ABHD12: variants seen among roughly 807,000 people sequenced by gnomAD.
ABHD12 encodes the protein abhydrolase domain containing 12, lysophospholipase.
Under a neutral mutation model 58.3 loss-of-function variants are expected in ABHD12, and 43 were observed. That is an observed-to-expected ratio of 0.74 (90% confidence interval 0.58 to 0.95). ABHD12 has a LOEUF of 0.95. Among genes scored for constraint, ABHD12 ranks in the 40% least tolerant of loss-of-function variants. ABHD12 has a pLI of 0.00. For synonymous variants in ABHD12, 219 were observed against 211.2 expected, an observed-to-expected ratio of 1.04 and a Z score of -0.32; for missense variants, 539 against 537.2, an observed-to-expected ratio of 1.00 and a Z score of -0.03.
chr20:25,380,024 T>C (rs1486251106), intron 1 of ABHD12, among the ~76,000 whole-genome samples: 1 of 152,192 alleles, frequency 6.6e-6, no homozygotes, highest in East Asian at 1.9e-4. Flanking sequence ...GCACCTGGCC[T>C]TGTAACGATG....
intron 10 of ABHD12, among the ~76,000 whole-genome samples, chr20:25,304,571 T>C (rs868750049): frequency 6.6e-6 from 1 of 152,164 alleles, no homozygotes; most frequent in South Asian, 2.1e-4. Context: ...TTTTTGTTTG[T>C]TTTTATTTTT....
At chr20:25,323,284 T>C (rs1362883482) in intron 3 of ABHD12, 41 bp downstream of exon 3, 1 of 1,330,806 alleles carries the variant, frequency 7.5e-7, no homozygotes, top group Admixed American at 1.7e-5. Context: ...GTAGGGTCCT[T>C]TCCTGCTGCT....
intron 1 of ABHD12, among the ~76,000 whole-genome samples, chr20:25,349,033 G>A (rs1009482927): frequency 6.7e-6 from 1 of 149,498 alleles, no homozygotes; most frequent in Admixed American, 6.7e-5. Context: ...GCAGTGAGCC[G>A]AGATCGCGCC....
At chr20:25,310,834 G>T (rs557452634) in intron 6 of ABHD12, among the ~76,000 whole-genome samples, 1 of 152,192 alleles carries the variant, frequency 6.6e-6, no homozygotes, top group Non-Finnish European at 1.5e-5. Context: ...AGTCGGAGAT[G>T]GAGCTGGCAG....
rs1022437349 is a variant in ABHD12 at position 25,295,091 on chromosome 20, A to C, written c.1158-61T>G. 3.3e-6 allele frequency: 5 copies of C among 1,517,292 alleles called. No homozygotes were observed. The African/African-American group carries it at 6.9e-5, about 21-fold the overall frequency. The allele number at this position is 1,517,292 out of a possible 1,614,324, so 94.0% of individuals were successfully genotyped here. ...CTGCATTTCGTGAAGTGTGCTTCTG[A>C]CTCGATAGTGAACAGAAATGCATTT... On this transcript the variant is annotated intron_variant, in intron 12 of 12. Coordinates refer to the ABHD12 transcript ENST00000376542.
chr20:25,390,696 T>C lies in ABHD12; in HGVS notation c.8A>G (p.Lys3Arg), dbSNP rs2090164888. 2 of 1,393,694 alleles carry C rather than the reference T, an allele frequency of 1.4e-6. No individual in the cohort carries two copies. The highest frequency in any genetic ancestry group is 1.9e-6 in the Non-Finnish European group (2 of 1,072,066). The allele number at this position is 1,393,694 out of a possible 1,614,324, so 86.3% of individuals were successfully genotyped here. The change falls in exon 1 of 13, where the codon AAG (lysine) becomes AGG (arginine). Residue 3 changes from lysine to arginine, a missense_variant. Coordinates refer to ENST00000339157, the MANE Select transcript of ABHD12 (RefSeq NM_001042472.3). MRKRTEPVALEHE... is the reference protein window; with the variant it reads MRRRTEPVALEHE... ...CTCCAAGGCGACGGGCTCGGTCCGCTTCCTCATCCCGCGGCCGACAGGGCC... is the reference window on the plus strand; with the variant it reads ...CTCCAAGGCGACGGGCTCGGTCCGCCTCCTCATCCCGCGGCCGACAGGGCC...
At chr20:25,381,706 T>G (rs1229202004) in intron 1 of ABHD12, among the ~76,000 whole-genome samples, 1 of 151,434 alleles carries the variant, frequency 6.6e-6, no homozygotes. Context: ...TGGTGCAATC[T>G]CGGCTCACTG....
At chr20:25,368,673 T>C (rs1437903929) in intron 1 of ABHD12, 2 of 1,367,272 alleles carry the variant, frequency 1.5e-6, no homozygotes, top group East Asian at 2.3e-5. Context: ...AGTTTTCTGC[T>C]GTCTTTGGAA....
rs1159208860 is a variant in ABHD12, at chr20:25,309,172, AC to A, written c.749+273del. 2.6e-5 allele frequency among the ~76,000 whole-genome samples: 4 copies of A among 151,970 alleles called. No individual in the cohort carries two copies. In the East Asian group the frequency reaches 7.7e-4, roughly 29 times the overall value. The stretch of plus-strand genomic sequence containing the variant: ...ACTGTGCCCTCCCTCAGCTCTGAAG[AC>A]GCTTCTTCCTCAGAGCCAAGTCTCC... On this transcript the variant is annotated intron_variant, in intron 7 of 12. Coordinates refer to ENST00000339157, the MANE Select transcript of ABHD12 (RefSeq NM_001042472.3).
chr20:25,320,932 A>C (rs959760657), intron 3 of ABHD12, among the ~76,000 whole-genome samples: 1 of 152,166 alleles, frequency 6.6e-6, no homozygotes, highest in Non-Finnish European at 1.5e-5. Flanking sequence ...AGAGATACTG[A>C]GGTTAATTTT....
At chr20:25,376,741 G>C (rs1164581573) in intron 1 of ABHD12, among the ~76,000 whole-genome samples, 1 of 152,156 alleles carries the variant, frequency 6.6e-6, no homozygotes, top group Non-Finnish European at 1.5e-5. Flanking sequence ...TCCCACTCTT[G>C]TGCAGCATTT....
intron 3 of ABHD12, among the ~76,000 whole-genome samples, chr20:25,322,375 ATATATATTTT>A (rs1184928820): frequency 2.3e-5 from 1 of 43,266 alleles, no homozygotes; most frequent in African/African-American, 1.1e-4. Flanking sequence ...ATATATATAT[ATATATATTTT>A]TTTTTTTTTT....
intron 1 of ABHD12, among the ~76,000 whole-genome samples, chr20:25,346,672 C>G (rs2089522792): frequency 6.6e-6 from 1 of 152,058 alleles, no homozygotes; most frequent in African/African-American, 2.4e-5. Flanking sequence ...TGAGACGGAG[C>G]CTTGCTCTGT....
chr20:25,311,681 C>T (rs1445870718), intron 6 of ABHD12, among the ~76,000 whole-genome samples: 1 of 152,176 alleles, frequency 6.6e-6, no homozygotes, highest in African/African-American at 2.4e-5. Context: ...TTAATCTCTC[C>T]AGCTGAGGAC....
intron 6 of ABHD12, 76 bp from the exon 7 acceptor site, chr20:25,309,651 G>C: frequency 6.3e-7 from 1 of 1,598,346 alleles, no homozygotes; most frequent in Non-Finnish European, 8.5e-7. Context: ...TCCCCAAGGG[G>C]GCCCAGGGCC....
chr20:25,368,280 G>A (rs1020862754), intron 1 of ABHD12: 4 of 1,532,520 alleles, frequency 2.6e-6, no homozygotes, highest in Non-Finnish European at 3.6e-6. Flanking sequence ...ACTTATTAGA[G>A]TTGTTCACAG....
At chr20:25,342,860 T>C (rs2089472854) in intron 1 of ABHD12, among the ~76,000 whole-genome samples, 1 of 152,082 alleles carries the variant, frequency 6.6e-6, no homozygotes, top group Non-Finnish European at 1.5e-5. Flanking sequence ...AGGGTTGGGG[T>C]TATAGGTGTG....
intron 1 of ABHD12, among the ~76,000 whole-genome samples, chr20:25,382,574 A>C (rs1208859625): frequency 6.6e-6 from 1 of 152,194 alleles, no homozygotes; most frequent in African/African-American, 2.4e-5. Context: ...AAGTTGCAGC[A>C]GCGGGAGTCT....
At chr20:25,296,596 A>G, downstream of ABHD12, 1 of 1,522,950 alleles carries the variant, frequency 6.6e-7, no homozygotes, top group South Asian at 1.2e-5. Flanking sequence ...TTCCCCAAAC[A>G]CTTTGCCAGC....
Sources: allele counts gnomAD v4.1 joint callset (sites outside exome capture counted in the v4.1 genomes callset), GRCh38; gene constraint gnomAD v4.1.1; transcripts MANE v1.5; gene names NCBI Gene and HGNC (gene_info 2026-07-23, HGNC 2026-07-21).